The following DIP2C variants were observed in gnomAD, a reference collection of about 807,000 sequenced individuals.
DIP2C encodes the protein DIP2 acetate--CoA ligase C (putative), also known as disco-interacting protein 2 homolog C.
In DIP2C, 33 loss-of-function variants were observed where a neutral mutation model predicts 192.4. The ratio of observed to expected loss-of-function variants is 0.17; its 90% CI spans 0.13 to 0.23. The LOEUF (loss-of-function observed/expected upper bound fraction) is 0.23, where lower values mean the gene tolerates loss of function less well. DIP2C is among the 10% of genes least tolerant of loss of function. The probability of loss-of-function intolerance (pLI) is 1.00; values close to 1 mark genes in which losing one functional copy is unlikely to be tolerated. For synonymous variants in DIP2C, 979 were observed against 864.1 expected (o/e 1.13, Z -2.33); for missense variants, 1,537 against 2,110.1 (o/e 0.73, Z 5.32).
chr10:573,542 G>A (rs1239233274), intron 1 of DIP2C, among the ~76,000 whole-genome samples: 2 of 152,080 alleles, frequency 1.3e-5, no homozygotes, highest in African/African-American at 2.4e-5. Flanking sequence ...TAGAGTAGCT[G>A]GGACTACAGG....
At chr10:633,452 G>T (rs1442976313) in intron 1 of DIP2C, among the ~76,000 whole-genome samples, 1 of 152,206 alleles carries the variant, frequency 6.6e-6, no homozygotes, top group Non-Finnish European at 1.5e-5. Context: ...GGAGTCCGAG[G>T]TGGTGCCGTA....
rs76686429 is a variant in DIP2C, at chr10:374,268, C to A, written c.1992-4635G>T. Among the ~76,000 whole-genome samples the A allele has an allele frequency of 6.0e-3, 918 of 152,270 alleles. 4 individuals are homozygous for A. Among genetic ancestry groups the A allele is most frequent in the Middle Eastern group, 0.014 (4 of 294 alleles). On this transcript the variant is annotated intron_variant, in intron 17 of 36. Transcript: ENST00000280886. ...ATACATACCTAGAAAGAAAATGGAG[C>A]ATCACAAAGCACATATACTTAAATT... is the stretch of plus-strand genomic sequence containing the variant.
chr10:565,481 T>C (rs1030871340), intron 1 of DIP2C, among the ~76,000 whole-genome samples: 1 of 152,172 alleles, frequency 6.6e-6, no homozygotes, highest in Non-Finnish European at 1.5e-5. Flanking sequence ...AAGATCCCTT[T>C]TTCCATCTTA....
chr10:655,567 A>C (rs891221926), intron 1 of DIP2C, among the ~76,000 whole-genome samples: 1 of 152,150 alleles, frequency 6.6e-6, no homozygotes, highest in Non-Finnish European at 1.5e-5. Context: ...TGTAATAGTC[A>C]CTGTCCTCTC....
intron 26 of DIP2C, among the ~76,000 whole-genome samples, chr10:346,782 G>A (rs71489243): frequency 0.71 from 4,994 of 7,004 alleles, 1,883 homozygotes; most frequent in Middle Eastern, 1. Flanking sequence ...ACACGCACCC[G>A]GACACATCGC....
At chr10:588,877 G>A (rs1018426960) in intron 1 of DIP2C, among the ~76,000 whole-genome samples, 1 of 152,168 alleles carries the variant, frequency 6.6e-6, no homozygotes, top group African/African-American at 2.4e-5. Context: ...ACCCAGGAGT[G>A]GGGTCACCGG....
At position 507,693 on chromosome 10, in the gene DIP2C, C is replaced by T. The variant is rs546351467; in HGVS notation, c.86-21163G>A. On this transcript the variant is annotated intron_variant, in intron 1 of 36. Transcript: ENST00000280886. Reference sequence around the variant, plus strand: ...TCCGTCTTTGAAAACGATACATATGCGCACAGGTGAGTTTGTTCCCGCACA... The same window carrying T: ...TCCGTCTTTGAAAACGATACATATGTGCACAGGTGAGTTTGTTCCCGCACA... Among the ~76,000 whole-genome samples the T allele has an allele frequency of 3.9e-5, 6 of 152,302 alleles. No individual in the cohort carries two copies. In the East Asian group the frequency reaches 7.7e-4, roughly 20 times the overall value.
intron 1 of DIP2C, among the ~76,000 whole-genome samples, chr10:612,621 G>T (rs1031482878): frequency 2.0e-5 from 3 of 152,076 alleles, no homozygotes; most frequent in African/African-American, 7.2e-5. Context: ...CCTTTGAAAG[G>T]CTGGAGATGG....
chr10:390,607 G>C, intron 11 of DIP2C, 133 bp downstream of exon 11: 1 of 1,443,214 alleles, frequency 6.9e-7, no homozygotes. Flanking sequence ...ACGAGAACGC[G>C]TGAAAACTCG....
chr10:446,203 C>T (rs1171641104), intron 3 of DIP2C, among the ~76,000 whole-genome samples: 1 of 150,704 alleles, frequency 6.6e-6, no homozygotes, highest in Non-Finnish European at 1.5e-5. Flanking sequence ...CACTGGGCAT[C>T]TGTATACATC....
At chr10:368,662 C>T (rs150661664) in intron 18 of DIP2C, among the ~76,000 whole-genome samples, 2 of 152,310 alleles carry the variant, frequency 1.3e-5, no homozygotes, top group Non-Finnish European at 2.9e-5. Flanking sequence ...CTCCATGGGG[C>T]GAGGGTCCCT....
intron 1 of DIP2C, among the ~76,000 whole-genome samples, chr10:620,639 G>T (rs1853796424): frequency 6.6e-6 from 1 of 152,228 alleles, no homozygotes; most frequent in Non-Finnish European, 1.5e-5. Context: ...TGGAAAAGCA[G>T]AAGTGATGAT....
At chr10:438,087 G>GT (rs762906093) in intron 4 of DIP2C, among the ~76,000 whole-genome samples, 2 of 152,118 alleles carry the variant, frequency 1.3e-5, no homozygotes, top group Non-Finnish European at 2.9e-5. Context: ...TTTACAGAAG[G>GT]TTTTTTATGG....
At chr10:578,768 CTACA>C (rs1316522909) in intron 1 of DIP2C, among the ~76,000 whole-genome samples, 13 of 151,838 alleles carry the variant, frequency 8.6e-5, no homozygotes, top group South Asian at 2.1e-4. Flanking sequence ...ACACATCCAA[CTACA>C]TATAGTGTAC....
At chr10:506,563 C>A (rs371088871) in intron 1 of DIP2C, among the ~76,000 whole-genome samples, 3 of 152,152 alleles carry the variant, frequency 2.0e-5, no homozygotes, top group Non-Finnish European at 4.4e-5. Flanking sequence ...GATACGCCAA[C>A]GTACCAGAAT....
chr10:597,009 CTG>C (rs1042699457), intron 1 of DIP2C, among the ~76,000 whole-genome samples: 3 of 152,230 alleles, frequency 2.0e-5, no homozygotes, highest in Non-Finnish European at 4.4e-5. Context: ...TGCATTATTT[CTG>C]TGTGAGATGT....
chr10:572,916 G>A (rs1337216608), intron 1 of DIP2C, among the ~76,000 whole-genome samples: 8 of 152,094 alleles, frequency 5.3e-5, no homozygotes, highest in African/African-American at 9.7e-5. Context: ...TTGCCATCTC[G>A]CAGAGAGAGA....
intron 1 of DIP2C, among the ~76,000 whole-genome samples, chr10:546,567 A>C (rs1848297304): frequency 6.6e-6 from 1 of 152,220 alleles, no homozygotes; most frequent in Non-Finnish European, 1.5e-5. Context: ...GCTTTCACAT[A>C]GTTTTAGGTA....
At chr10:329,268 A>G (rs1168314338) in intron 30 of DIP2C, among the ~76,000 whole-genome samples, 165 bp downstream of exon 30, 4 of 152,262 alleles carry the variant, frequency 2.6e-5, no homozygotes, top group Non-Finnish European at 4.4e-5. Flanking sequence ...TTCACGTTAA[A>G]AAGATTTTCA....
Sources: gnomAD v4.1 joint callset for allele counts (sites outside exome capture counted in the v4.1 genomes callset) on GRCh38, gnomAD v4.1.1 for gene constraint, MANE v1.5 for transcripts, NCBI Gene and HGNC (gene_info 2026-07-23, HGNC 2026-07-21) for gene names.